Variants in ZNF469 observed in about 807,000 individuals in gnomAD.
ZNF469 encodes zinc finger protein 469.
Under a neutral mutation model 1.0 loss-of-function variants are expected in ZNF469, and 1 was observed. The observed-to-expected ratio is 1.00, with a 90% CI of 0.35 to 4.73. ZNF469 has a LOEUF of 4.73. Ranked by LOEUF, ZNF469 falls within the 30% of genes most tolerant of loss-of-function variation. The probability of loss-of-function intolerance (pLI) is 0.16; values close to 1 mark genes in which losing one functional copy is unlikely to be tolerated. For synonymous variants in ZNF469, 2,703 were observed against 2,363.4 expected, an observed-to-expected ratio of 1.14 and a Z score of -4.17; for missense variants, 6,100 against 5,356.3, an observed-to-expected ratio of 1.14 and a Z score of -4.33.
chr16:88,312,361 A>G, the ZNF469 span, among the ~76,000 whole-genome samples: 65 of 152,364 alleles, frequency 4.3e-4, no homozygotes, highest in African/African-American at 1.5e-3. Flanking sequence ...TTCTTGCACC[A>G]GCTTCTCAGG....
the ZNF469 span, among the ~76,000 whole-genome samples, chr16:88,368,933 G>A: frequency 2.0e-5 from 3 of 152,144 alleles, no homozygotes; most frequent in Non-Finnish European, 4.4e-5. Flanking sequence ...ACAAAAATTA[G>A]CCATGTGTGC....
At chr16:88,216,357 G>GGT in the ZNF469 span, among the ~76,000 whole-genome samples, 1 of 152,042 alleles carries the variant, frequency 6.6e-6, no homozygotes, top group African/African-American at 2.4e-5. Context: ...AGCCGGGCGC[G>GGT]GTGGTGGGTG....
At chr16:88,202,890 C>A in the ZNF469 span, among the ~76,000 whole-genome samples, 1 of 151,864 alleles carries the variant, frequency 6.6e-6, no homozygotes, top group Non-Finnish European at 1.5e-5. Flanking sequence ...CTCGTGGTGG[C>A]CTTGAGGGCT....
At chr16:88,251,247 C>G in the ZNF469 span, among the ~76,000 whole-genome samples, 1 of 152,202 alleles carries the variant, frequency 6.6e-6, no homozygotes, top group Admixed American at 6.5e-5. Flanking sequence ...TTTGAACTCT[C>G]TCTGTGAAAC....
At chr16:88,408,792 C>T (rs913878834) in intron 1 of ZNF469, among the ~76,000 whole-genome samples, 7 of 152,382 alleles carry the variant, frequency 4.6e-5, no homozygotes, top group East Asian at 3.9e-4. Flanking sequence ...CGCCTGTGCC[C>T]GGCACCCAAT....
chr16:88,254,213 T>A, the ZNF469 span, among the ~76,000 whole-genome samples: 1 of 152,180 alleles, frequency 6.6e-6, no homozygotes, highest in African/African-American at 2.4e-5. Flanking sequence ...AGGTAGAGAT[T>A]TATTTCCTTC....
intron 1 of ZNF469, among the ~76,000 whole-genome samples, chr16:88,394,699 A>G (rs1297593374): frequency 6.6e-6 from 1 of 152,216 alleles, no homozygotes; most frequent in East Asian, 1.9e-4. Flanking sequence ...CCTGAAGGCC[A>G]GGAGACATCC....
chr16:88,194,291 G>A, the ZNF469 span: 13 of 152,290 alleles, frequency 8.5e-5, no homozygotes, highest in Non-Finnish European at 1.6e-4. Context: ...TGTCATTTCA[G>A]TGTCGGAGCA....
chr16:88,429,671 G>A lies in ZNF469; in HGVS notation c.2201G>A (p.Arg734Lys), dbSNP rs1247960493. The change falls in exon 3 of 3, where the codon AGG becomes AAG. Residue 734 changes from arginine (R) to lysine (K), a missense_variant. Physicochemically the swap from Arg to Lys is conservative, Grantham distance 26. Coordinates refer to ENST00000565624, the MANE Select transcript of ZNF469 (RefSeq NM_001367624.2). ...CAGCTGGACGTGCTGCTGACCTGCA[G>A]GCAGTGTGACCGCAACTACAGCAGC... is the stretch of plus-strand genomic sequence containing the variant. Reference protein sequence around the residue: ...LDQLDVLLTCRQCDRNYSSLA... With the variant: ...LDQLDVLLTCKQCDRNYSSLA... The A allele has an allele frequency of 7.8e-6, 12 of 1,542,554 alleles. No individual in the cohort carries two copies. The East Asian group carries it at 1.7e-4, about 22-fold the overall frequency.
chr16:88,157,282 G>A, the ZNF469 span, among the ~76,000 whole-genome samples: 3 of 152,144 alleles, frequency 2.0e-5, no homozygotes, highest in Non-Finnish European at 4.4e-5. Flanking sequence ...CTCGGTGCCT[G>A]ATGGACTCAG....
At chr16:88,232,453 G>T in the ZNF469 span, among the ~76,000 whole-genome samples, 32,588 of 151,954 alleles carry the variant, frequency 0.21, 4,164 homozygotes, top group African/African-American at 0.35. Context: ...GACTTTCGGG[G>T]GTGTCCAGGC....
rs150745096 is a variant in ZNF469, at chr16:88,428,193, T to C, written c.723T>C (p.Asn241=). 51 of 1,550,190 alleles carry C rather than the reference T, an allele frequency of 3.3e-5. No individual in the cohort carries two copies. Among genetic ancestry groups the C allele is most frequent in the Middle Eastern group, 3.3e-4 (2 of 5,990 alleles). The change falls in exon 3 of 3, where the codon AAT becomes AAC. Residue 241 remains asparagine (N), a synonymous_variant. Coordinates refer to ENST00000565624, the MANE Select transcript of ZNF469 (RefSeq NM_001367624.2). ...ACTCCTGGCCTCCCGCTGCTGAGAA[T>C]AGCTTCCCAGGTGCTAATTTCGGGG... The part of the protein sequence containing the change: ...GADSWPPAAE[N]SFPGANFGVP...
the ZNF469 span, among the ~76,000 whole-genome samples, chr16:88,331,151 TATTACCATCATCACCATC>T: frequency 8.8e-6 from 1 of 113,880 alleles, no homozygotes; most frequent in African/African-American, 3.6e-5. Context: ...TCACCATCAC[TATTACCATCATCACCATC>T]ATTACCATCA....
At chr16:88,354,381 C>T in the ZNF469 span, among the ~76,000 whole-genome samples, 394 of 152,262 alleles carry the variant, frequency 2.6e-3, 2 homozygotes, top group Non-Finnish European at 3.6e-3. Context: ...CTCTGGAACC[C>T]GGGACGCAGG....
the ZNF469 span, among the ~76,000 whole-genome samples, chr16:88,229,140 G>T: frequency 6.6e-6 from 1 of 152,036 alleles, no homozygotes; most frequent in South Asian, 2.1e-4. Context: ...ACTTAAAGGA[G>T]AATAAAAAAG....
the ZNF469 span, among the ~76,000 whole-genome samples, chr16:88,145,635 T>C: frequency 6.6e-6 from 1 of 152,252 alleles, no homozygotes; most frequent in African/African-American, 2.4e-5. Context: ...CTGGCTCCCC[T>C]AGGGGCCCAG....
the ZNF469 span, among the ~76,000 whole-genome samples, chr16:88,202,431 C>G: frequency 7.2e-5 from 11 of 152,260 alleles, no homozygotes; most frequent in Middle Eastern, 3.4e-3. Context: ...CCAGGTGCCC[C>G]CGTGGATAAG....
the ZNF469 span, among the ~76,000 whole-genome samples, chr16:88,346,431 C>T: frequency 2.0e-5 from 3 of 152,398 alleles, no homozygotes; most frequent in African/African-American, 7.2e-5. Flanking sequence ...CAGCCCTGGC[C>T]TGGACCTGCA....
At chr16:88,146,822 G>A in the ZNF469 span, among the ~76,000 whole-genome samples, 12 of 152,088 alleles carry the variant, frequency 7.9e-5, no homozygotes, top group Non-Finnish European at 1.6e-4. Context: ...CAGGATGGAA[G>A]GGACCCCTGG....
Sources: gnomAD v4.1 joint callset for allele counts (sites outside exome capture counted in the v4.1 genomes callset) on GRCh38, gnomAD v4.1.1 for gene constraint, MANE v1.5 for transcripts, NCBI Gene and HGNC (gene_info 2026-07-23, HGNC 2026-07-21) for gene names.